Variants in CSMD3 observed in about 807,000 individuals in gnomAD.
CSMD3 encodes the protein CUB and Sushi multiple domains 3.
A neutral mutation model predicts 435.2 loss-of-function variants in CSMD3; 177 were observed. That is an observed-to-expected ratio of 0.41 (90% confidence interval 0.36 to 0.46). The LOEUF (loss-of-function observed/expected upper bound fraction) is 0.46. Among genes scored for constraint, CSMD3 ranks in the 20% least tolerant of loss-of-function variants. CSMD3 has a pLI of 0.34. For synonymous variants in CSMD3, 1,656 were observed against 1,520.5 expected, an observed-to-expected ratio of 1.09 and a Z score of -2.07; for missense variants, 4,265 against 4,504.6, an observed-to-expected ratio of 0.95 and a Z score of 1.52.
At chr8:112,650,466 G>A (rs140255290) in intron 18 of CSMD3, 117 bp from the exon 19 acceptor site, 9,791 of 838,240 alleles carry the variant, frequency 0.012, 99 homozygotes, top group Middle Eastern at 0.034. Flanking sequence ...AAAGGTACTC[G>A]TACTTCATTT....
intron 1 of CSMD3, among the ~76,000 whole-genome samples, chr8:113,343,702 T>C (rs1471264493): frequency 2.0e-5 from 3 of 152,070 alleles, no homozygotes; most frequent in Non-Finnish European, 4.4e-5. Flanking sequence ...GAGAAAAATA[T>C]GTACGTTACT....
chr8:112,693,912 T>G (rs1322281983), intron 13 of CSMD3, among the ~76,000 whole-genome samples: 2 of 151,596 alleles, frequency 1.3e-5, no homozygotes, highest in Non-Finnish European at 2.9e-5. Flanking sequence ...CACACATTTA[T>G]ATATTTATAT....
At chr8:113,304,860 CA>C (rs2093805304) in intron 2 of CSMD3, among the ~76,000 whole-genome samples, 1 of 135,130 alleles carries the variant, frequency 7.4e-6, no homozygotes, top group Non-Finnish European at 1.6e-5. Context: ...CACATGTATA[CA>C]TATGTAACTA....
intron 3 of CSMD3, among the ~76,000 whole-genome samples, chr8:113,176,047 G>T (rs966869274): frequency 2.0e-5 from 3 of 152,074 alleles, no homozygotes; most frequent in African/African-American, 7.2e-5. Flanking sequence ...GTCAGGTGAA[G>T]TAGTGAATGA....
intron 1 of CSMD3, among the ~76,000 whole-genome samples, chr8:113,363,649 T>C (rs1245401431): frequency 1.3e-5 from 2 of 152,164 alleles, no homozygotes; most frequent in African/African-American, 4.8e-5. Flanking sequence ...TCTCCTCTTG[T>C]GTGAGTCTAA....
intron 27 of CSMD3, among the ~76,000 whole-genome samples, chr8:112,544,903 C>A (rs1164345259): frequency 1.3e-5 from 2 of 152,028 alleles, no homozygotes; most frequent in Non-Finnish European, 2.9e-5. Context: ...AGGTCTATTG[C>A]AAGATAATAA....
At chr8:112,809,756 TTCCTGACCTA>T (rs1211790352) in intron 12 of CSMD3, among the ~76,000 whole-genome samples, 3 of 152,100 alleles carry the variant, frequency 2.0e-5, no homozygotes, top group African/African-American at 7.2e-5. Flanking sequence ...TGACTACAGG[TTCCTGACCTA>T]CTGTTTCTTA....
At chr8:112,877,606 C>A (rs1193287994) in intron 10 of CSMD3, among the ~76,000 whole-genome samples, 1 of 152,026 alleles carries the variant, frequency 6.6e-6, no homozygotes, top group South Asian at 2.1e-4. Flanking sequence ...TCCATATAGC[C>A]AAGACAATCC....
At chr8:113,359,467 A>G (rs2094256462) in intron 1 of CSMD3, among the ~76,000 whole-genome samples, 1 of 152,202 alleles carries the variant, frequency 6.6e-6, no homozygotes, top group South Asian at 2.1e-4. Flanking sequence ...GAGCGGGGGC[A>G]AATTCTGGGC....
chr8:113,195,839 ACC>A (rs1554804877), intron 3 of CSMD3, among the ~76,000 whole-genome samples: 2,539 of 144,362 alleles, frequency 0.018, 35 homozygotes, highest in Non-Finnish European at 0.026. Flanking sequence ...ACACACACAC[ACC>A]CCCACACACA....
intron 8 of CSMD3, among the ~76,000 whole-genome samples, chr8:112,951,114 A>T: frequency 6.6e-6 from 1 of 151,912 alleles, no homozygotes; most frequent in East Asian, 1.9e-4. Flanking sequence ...TAAGAAAAAA[A>T]GTGCAATCTA....
chr8:112,891,853 C>G lies in CSMD3; in HGVS notation c.1633+29774G>C, dbSNP rs118041975. ...CATATATCTGACCCCAGTCTGTTCT[C>G]TTAACCAAGAGGCTACTCTAACTCC... On this transcript the variant is annotated intron_variant, in intron 10 of 70. Transcript: ENST00000297405. 5.3e-3 allele frequency among the ~76,000 whole-genome samples: 801 copies of G among 151,550 alleles called. 5 individuals are homozygous for G. The highest frequency in any genetic ancestry group is 8.3e-3 in the Non-Finnish European group (563 of 67,680).
intron 32 of CSMD3, among the ~76,000 whole-genome samples, chr8:112,461,176 T>C (rs1817408960): frequency 6.6e-6 from 1 of 152,150 alleles, no homozygotes. Flanking sequence ...ATCGTTATAC[T>C]ATCCTAAAAC....
chr8:113,308,220 CT>C (rs2093837213), intron 2 of CSMD3, among the ~76,000 whole-genome samples: 1 of 70,742 alleles, frequency 1.4e-5, no homozygotes, highest in Admixed American at 1.3e-4. Flanking sequence ...ATTAATTTTT[CT>C]TTTTAGTTCT....
intron 25 of CSMD3, among the ~76,000 whole-genome samples, chr8:112,554,508 T>C (rs1326828104): frequency 6.6e-6 from 1 of 151,990 alleles, no homozygotes. Flanking sequence ...ACTATTTGAT[T>C]ACATTTAATT....
chr8:112,747,962 CA>C (rs71309788), intron 13 of CSMD3, among the ~76,000 whole-genome samples: 2,871 of 96,694 alleles, frequency 0.03, 17 homozygotes, highest in Non-Finnish European at 0.037. Flanking sequence ...GACTCCGTCT[CA>C]AAAAAAAAAA....
chr8:113,168,564 C>CA (rs941819585), intron 4 of CSMD3, among the ~76,000 whole-genome samples: 5 of 88,288 alleles, frequency 5.7e-5, no homozygotes, highest in African/African-American at 2.0e-4. Flanking sequence ...ATTTTAGCTA[C>CA]AAAAAATGCT....
intron 25 of CSMD3, among the ~76,000 whole-genome samples, chr8:112,555,757 T>C (rs1828059213): frequency 6.6e-6 from 1 of 152,034 alleles, no homozygotes; most frequent in South Asian, 2.1e-4. Context: ...GCAAGTTTTA[T>C]GGCAATTCCT....
At chr8:112,846,716 T>A (rs936523397) in intron 11 of CSMD3, among the ~76,000 whole-genome samples, 1 of 151,972 alleles carries the variant, frequency 6.6e-6, no homozygotes, top group African/African-American at 2.4e-5. Context: ...TCATTTTTTC[T>A]TTATTGATAT....
Sources: allele counts gnomAD v4.1 joint callset (sites outside exome capture counted in the v4.1 genomes callset), GRCh38; gene constraint gnomAD v4.1.1; transcripts MANE v1.5; gene names NCBI Gene and HGNC (gene_info 2026-07-23, HGNC 2026-07-21).